Variants in PCLO observed in about 807,000 individuals in gnomAD.
The protein encoded by PCLO is piccolo presynaptic cytomatrix protein.
PCLO carries 82 observed loss-of-function variants against 427.5 expected under a neutral mutation model. The ratio of observed to expected loss-of-function variants is 0.19; its 90% CI spans 0.16 to 0.23. The LOEUF (loss-of-function observed/expected upper bound fraction) is 0.23. PCLO is among the 10% of genes least tolerant of loss of function. The probability of loss-of-function intolerance (pLI) is 1.00; values close to 1 mark genes in which losing one functional copy is unlikely to be tolerated. For synonymous variants in PCLO, 2,357 were observed against 2,155.4 expected, an observed-to-expected ratio of 1.09 and a Z score of -2.59; for missense variants, 6,239 against 6,115.9, an observed-to-expected ratio of 1.02 and a Z score of -0.67.
intron 22 of PCLO, among the ~76,000 whole-genome samples, chr7:82,794,450 A>ATTTTTTTTTTTTTTTTTTT (rs141105612): frequency 3.2e-5 from 2 of 62,030 alleles, no homozygotes; most frequent in East Asian, 5.5e-4. Flanking sequence ...TAGTTCATAA[A>ATTTTTTTTTTTTTTTTTTT]TTTTTTTTCT....
At position 82,915,757 on chromosome 7, in the gene PCLO, C is replaced by G. The variant is rs1448591893; in HGVS notation, c.12229G>C (p.Asp4077His). The G allele has an allele frequency of 2.5e-6, 4 of 1,612,024 alleles. No homozygotes were observed. The highest frequency in any genetic ancestry group is 2.7e-5 in the African/African-American group (2 of 74,914). The change falls in exon 7 of 25, where the codon GAC becomes CAC. Residue 4077 changes from aspartate to histidine, a missense_variant. This residue lies in a region of PCLO where 680 missense variants were observed against 677.3 expected (regional missense o/e 1.00). Coordinates refer to ENST00000333891, the MANE Select transcript of PCLO (RefSeq NM_033026.6). ...SLHEKDLSKT[D>H]RLLRTTETRR... ...GTCTCAGTGGTTCGAAGGAGACGGT[C>G]TGTTTTTGACAGATCCTTTTCATGA...
intron 6 of PCLO, 111 bp downstream of exon 6, chr7:82,949,365 A>C: frequency 1.3e-6 from 1 of 770,694 alleles, no homozygotes; most frequent in Non-Finnish European, 2.2e-6. Context: ...CTTCACCCTA[A>C]TCTAGTATTA....
chr7:82,994,818 G>A (rs1194018706), intron 3 of PCLO, among the ~76,000 whole-genome samples: 2 of 151,868 alleles, frequency 1.3e-5, no homozygotes, highest in Admixed American at 6.6e-5. Flanking sequence ...GGGAAAAAAC[G>A]ATGAGAATAA....
intron 9 of PCLO, among the ~76,000 whole-genome samples, chr7:82,898,898 G>A (rs1793970161): frequency 1.3e-5 from 2 of 151,230 alleles, no homozygotes; most frequent in Admixed American, 1.3e-4. Context: ...TCTACACTTA[G>A]CTAATTTTGA....
chr7:82,909,800 T>C (rs1794278618), intron 7 of PCLO, among the ~76,000 whole-genome samples: 1 of 152,102 alleles, frequency 6.6e-6, no homozygotes, highest in Non-Finnish European at 1.5e-5. Context: ...AATAAAATGA[T>C]TATTTTTTTA....
At chr7:82,962,355 GA>G (rs200501266) in intron 4 of PCLO, among the ~76,000 whole-genome samples, 2,097 of 152,022 alleles carry the variant, frequency 0.014, 16 homozygotes, top group Middle Eastern at 0.044. Context: ...TTTTGGCCAT[GA>G]AAAAATTACT....
rs148482956 is a variant in PCLO at position 82,874,469 on chromosome 7, G to A, written c.13654+4868C>T. ...TCAAAAAGAAGTTTCCCTTCGTCAT[G>A]AGATCTTGACAATTGTATTATGAAT... is the stretch of plus-strand genomic sequence containing the variant. On this transcript the variant is annotated intron_variant, in intron 10 of 24. Coordinates refer to ENST00000333891, the MANE Select transcript of PCLO (RefSeq NM_033026.6). 2.6e-3 allele frequency among the ~76,000 whole-genome samples: 390 copies of A among 152,200 alleles called. 1 individual carries two copies. Among genetic ancestry groups the A allele is most frequent in the African/African-American group, 8.9e-3 (369 of 41,536 alleles).
chr7:83,032,602 T>G (rs969767529), intron 3 of PCLO, among the ~76,000 whole-genome samples: 3 of 152,078 alleles, frequency 2.0e-5, no homozygotes, highest in Non-Finnish European at 4.4e-5. Context: ...GAATGCCAGA[T>G]AGAATGTTTT....
intron 6 of PCLO, among the ~76,000 whole-genome samples, chr7:82,917,891 G>T (rs1389772099): frequency 2.0e-5 from 3 of 151,828 alleles, no homozygotes; most frequent in African/African-American, 7.2e-5. Context: ...TTATTAATTA[G>T]ATCACATTTT....
intron 8 of PCLO, among the ~76,000 whole-genome samples, chr7:82,903,768 T>C (rs1396758932): frequency 2.0e-5 from 3 of 151,900 alleles, no homozygotes; most frequent in Non-Finnish European, 4.4e-5. Context: ...TATTACCTAT[T>C]TTAGAATATG....
rs200296375 is a variant in PCLO, at chr7:82,951,113, T to C, written c.9475A>G (p.Ile3159Val). ...ASETDIAVTG[I>V]DISASLQTIT... Reference sequence around the variant, plus strand: ...GTTTGCAAACTGGCACTGATATCAATACCAGTTACTGCAATGTCCGTTTCA... The same window carrying C: ...GTTTGCAAACTGGCACTGATATCAACACCAGTTACTGCAATGTCCGTTTCA... The change falls in exon 6 of 25, where the codon ATT becomes GTT. Residue 3159 changes from isoleucine to valine, a missense_variant. Physicochemically the swap from Ile to Val is conservative, Grantham distance 29. Transcript: ENST00000333891. The C allele has an allele frequency of 4.7e-4, 759 of 1,613,732 alleles. 1 individual carries two copies. The highest frequency in any genetic ancestry group is 5.0e-4 in the Non-Finnish European group (592 of 1,179,720).
At chr7:82,895,912 A>G (rs1793892612) in intron 9 of PCLO, among the ~76,000 whole-genome samples, 2 of 151,858 alleles carry the variant, frequency 1.3e-5, no homozygotes, top group Admixed American at 1.3e-4. Context: ...TTCTTCACAA[A>G]CTCTATAGAA....
chr7:82,961,682 C>T (rs2115623627), intron 4 of PCLO, among the ~76,000 whole-genome samples: 1 of 152,262 alleles, frequency 6.6e-6, no homozygotes, highest in Middle Eastern at 3.4e-3. Flanking sequence ...CTTGTCATGT[C>T]AGTTGGTCAC....
At chr7:83,115,102 C>G (rs1791099271) in intron 3 of PCLO, among the ~76,000 whole-genome samples, 1 of 151,814 alleles carries the variant, frequency 6.6e-6, no homozygotes, top group Non-Finnish European at 1.5e-5. Context: ...GTCAGACGTC[C>G]ACAGAGTTTC....
At chr7:82,875,644 T>C (rs1426480253) in intron 10 of PCLO, among the ~76,000 whole-genome samples, 5 of 152,064 alleles carry the variant, frequency 3.3e-5, no homozygotes, top group Admixed American at 1.3e-4. Context: ...TCAGAGTCTA[T>C]GCCACTGAGT....
chr7:83,097,691 T>G (rs908289101), intron 3 of PCLO, among the ~76,000 whole-genome samples: 2 of 151,554 alleles, frequency 1.3e-5, no homozygotes, highest in African/African-American at 4.8e-5. Context: ...CTTCAACACT[T>G]TGTCATATTG....
chr7:82,908,142 C>A (rs1481319499), intron 8 of PCLO, among the ~76,000 whole-genome samples: 1 of 152,014 alleles, frequency 6.6e-6, no homozygotes, highest in African/African-American at 2.4e-5. Flanking sequence ...TGATTAAAGG[C>A]CACTTGGCTT....
At chr7:83,033,986 C>T (rs938499540) in intron 3 of PCLO, among the ~76,000 whole-genome samples, 7 of 151,970 alleles carry the variant, frequency 4.6e-5, no homozygotes, top group Non-Finnish European at 8.8e-5. Context: ...GTCTTCAGTG[C>T]GTAATACTTA....
Position 83,155,918 on chromosome 7 carries a change from A to C in PCLO, c.723T>G (p.Ser241=). 6.2e-7 allele frequency: 1 copy of C among 1,613,766 alleles called. No individual in the cohort carries two copies. Residue 241 remains serine (S), a synonymous_variant, in exon 2 of 25, where the codon TCT becomes TCG. Coordinates refer to ENST00000333891, the MANE Select transcript of PCLO (RefSeq NM_033026.6). ...GTGATTTAATTTTTTCTGGTTGTTGAGAAGATATTGATTTGGGAGTGCCAT... is the reference window on the plus strand; with the variant it reads ...GTGATTTAATTTTTTCTGGTTGTTGCGAAGATATTGATTTGGGAGTGCCAT... ...QQDGTPKSIS[S]QQPEKIKSQP...
Sources: gnomAD v4.1 joint callset for allele counts (sites outside exome capture counted in the v4.1 genomes callset) on GRCh38, gnomAD v4.1.1 for gene constraint, gnomAD v4.1.1 regional missense constraint, MANE v1.5 for transcripts, NCBI Gene and HGNC (gene_info 2026-07-23, HGNC 2026-07-21) for gene names.